SOX6: variants seen among roughly 807,000 people sequenced by gnomAD.
SOX6 encodes transcription factor SOX-6.
In SOX6, 11 loss-of-function variants were observed where a neutral mutation model predicts 97.8. That is an observed-to-expected ratio of 0.11 (90% CI 0.07 to 0.19). The LOEUF (loss-of-function observed/expected upper bound fraction) is 0.19. Ranked by LOEUF, SOX6 falls within the 10% of genes least tolerant of loss-of-function variation. The pLI, the probability that SOX6 is intolerant of heterozygous loss-of-function variation, is 1.00. For synonymous variants in SOX6, 360 were observed against 371.4 expected (o/e 0.97, Z 0.35); for missense variants, 810 against 1,039.5 (o/e 0.78, Z 3.04).
intron 4 of SOX6, chr11:16,567,299 C>T (rs984290304): frequency 2.0e-5 from 3 of 152,814 alleles, no homozygotes; most frequent in South Asian, 2.1e-4. Flanking sequence ...GGCAGATGAC[C>T]GTGAAGGAAA....
intron 3 of SOX6, among the ~76,000 whole-genome samples, chr11:16,656,940 A>C (rs1243171743): frequency 6.6e-6 from 1 of 152,196 alleles, no homozygotes; most frequent in Non-Finnish European, 1.5e-5. Flanking sequence ...GTTTGTTACA[A>C]CTGATGAACC....
chr11:16,002,966 G>A (rs548771874), intron 13 of SOX6, among the ~76,000 whole-genome samples: 1 of 152,198 alleles, frequency 6.6e-6, no homozygotes, highest in East Asian at 1.9e-4. Context: ...ATAAAAACTA[G>A]CCTTCTGGCT....
rs570916727 is a variant in SOX6 at position 16,488,560 on chromosome 11, A to G, written n.610-12172T>C. On this transcript the variant is annotated intron_variant and non_coding_transcript_variant, in intron 4 of 5. Coordinates refer to the SOX6 transcript ENST00000524520. ...GATGTGGTGGCTAGTATAGTCATCC[A>G]CTTTTTAAAGAGGAATGCCTTAAGG... is the stretch of plus-strand genomic sequence containing the variant. Among the ~76,000 whole-genome samples, 3 of 152,158 alleles carry G rather than the reference A, an allele frequency of 2.0e-5. No homozygotes were observed. The South Asian group carries it at 6.2e-4, about 32-fold the overall frequency.
chr11:16,183,598 T>A (rs889630967), intron 6 of SOX6, among the ~76,000 whole-genome samples: 1 of 152,008 alleles, frequency 6.6e-6, no homozygotes, highest in East Asian at 1.9e-4. Flanking sequence ...ATACCATCTG[T>A]ATGCTACCTG....
intron 3 of SOX6, among the ~76,000 whole-genome samples, chr11:16,271,393 A>C (rs1590080760): frequency 6.6e-6 from 1 of 151,486 alleles, no homozygotes; most frequent in East Asian, 1.9e-4. Flanking sequence ...ATATTTAGAA[A>C]GTTTCCTCTA....
At chr11:16,242,761 T>C (rs574206972) in intron 3 of SOX6, among the ~76,000 whole-genome samples, 1 of 152,106 alleles carries the variant, frequency 6.6e-6, no homozygotes, top group Non-Finnish European at 1.5e-5. Flanking sequence ...TATTAAATTA[T>C]AAAATGTTTT....
intron 1 of SOX6, among the ~76,000 whole-genome samples, chr11:16,465,167 C>T (rs1860005764): frequency 6.6e-6 from 1 of 152,178 alleles, no homozygotes; most frequent in Non-Finnish European, 1.5e-5. Flanking sequence ...TATACCCACA[C>T]TTTTCATGTC....
intron 12 of SOX6, among the ~76,000 whole-genome samples, chr11:16,037,746 G>A (rs755475055): frequency 3.3e-5 from 5 of 152,084 alleles, no homozygotes; most frequent in Non-Finnish European, 7.4e-5. Flanking sequence ...CTCTCTAAAG[G>A]TCTCGCCCAT....
At chr11:16,020,285 C>A (rs879391097) in intron 12 of SOX6, among the ~76,000 whole-genome samples, 4 of 152,044 alleles carry the variant, frequency 2.6e-5, no homozygotes, top group Non-Finnish European at 5.9e-5. Context: ...TCACTAACTA[C>A]CCCAGCACAT....
At chr11:16,427,249 A>T (rs1036519469) in intron 1 of SOX6, among the ~76,000 whole-genome samples, 3 of 152,134 alleles carry the variant, frequency 2.0e-5, no homozygotes, top group Admixed American at 6.5e-5. Flanking sequence ...AATATCCAGC[A>T]TCCATAAGGA....
At chr11:16,126,816 C>T (rs1849623743) in intron 6 of SOX6, among the ~76,000 whole-genome samples, 1 of 152,098 alleles carries the variant, frequency 6.6e-6, no homozygotes, top group African/African-American at 2.4e-5. Context: ...ATACAGAAAG[C>T]ATGTTCTCCC....
intron 1 of SOX6, among the ~76,000 whole-genome samples, chr11:16,363,841 C>T (rs1451392566): frequency 6.6e-6 from 1 of 152,030 alleles, no homozygotes; most frequent in Non-Finnish European, 1.5e-5. Flanking sequence ...TGGCTCTAGC[C>T]TCTCACTTTT....
intron 4 of SOX6, among the ~76,000 whole-genome samples, chr11:16,219,214 G>T (rs533814660): frequency 6.6e-6 from 1 of 152,148 alleles, no homozygotes; most frequent in African/African-American, 2.4e-5. Context: ...TAATTTGTCT[G>T]AAGTTAAATT....
At chr11:16,442,729 A>G (rs1355942104) in intron 1 of SOX6, among the ~76,000 whole-genome samples, 1 of 152,134 alleles carries the variant, frequency 6.6e-6, no homozygotes, top group Non-Finnish European at 1.5e-5. Flanking sequence ...TTTGCAATAC[A>G]TCATTCCAAA....
At chr11:16,359,416 T>C (rs989308726), upstream of SOX6, among the ~76,000 whole-genome samples, 6 of 152,118 alleles carry the variant, frequency 3.9e-5, no homozygotes, top group African/African-American at 1.4e-4. Context: ...CTCTGGGAAA[T>C]AGGAAATCAT....
chr11:16,582,820 A>G (rs545895045), intron 4 of SOX6, among the ~76,000 whole-genome samples: 9 of 152,250 alleles, frequency 5.9e-5, no homozygotes, highest in Admixed American at 5.2e-4. Context: ...CTACCTCTTT[A>G]AAAAGTATGA....
At chr11:16,649,348 C>G (rs1220499273) in intron 3 of SOX6, among the ~76,000 whole-genome samples, 2 of 152,096 alleles carry the variant, frequency 1.3e-5, no homozygotes, top group Admixed American at 1.3e-4. Context: ...ACAGACAAAA[C>G]GATCTTAAGA....
chr11:16,557,978 T>G (rs892799223), intron 4 of SOX6, among the ~76,000 whole-genome samples: 1 of 151,926 alleles, frequency 6.6e-6, no homozygotes, highest in Non-Finnish European at 1.5e-5. Context: ...GCTGGCTCTG[T>G]CCTTAAGAAG....
chr11:16,621,560 C>T (rs115977930), intron 3 of SOX6, among the ~76,000 whole-genome samples: 5 of 152,076 alleles, frequency 3.3e-5, no homozygotes, highest in Admixed American at 2.0e-4. Flanking sequence ...AGTATTAGAT[C>T]GTCTTAAAAG....
Sources: allele counts gnomAD v4.1 joint callset (sites outside exome capture counted in the v4.1 genomes callset), GRCh38; gene constraint gnomAD v4.1.1; transcripts MANE v1.5; gene names NCBI Gene and HGNC (gene_info 2026-07-23, HGNC 2026-07-21).